PIP5K1C: variants seen among roughly 807,000 people sequenced by gnomAD.
PIP5K1C encodes the protein phosphatidylinositol 4-phosphate 5-kinase type-1 gamma.
Under a neutral mutation model 80.1 loss-of-function variants are expected in PIP5K1C, and 45 were observed. The ratio of observed to expected loss-of-function variants is 0.56; its 90% CI spans 0.44 to 0.72. The LOEUF (loss-of-function observed/expected upper bound fraction) is 0.72, where lower values mean the gene tolerates loss of function less well. Ranked by LOEUF, PIP5K1C falls within the 30% of genes least tolerant of loss-of-function variation. The pLI, the probability that PIP5K1C is intolerant of heterozygous loss-of-function variation, is 0.00. For synonymous variants in PIP5K1C, 498 were observed against 420.1 expected (o/e 1.19, Z -2.27); for missense variants, 753 against 954.6 (o/e 0.79, Z 2.78).
At chr19:3,693,995 C>A (rs1004730730) in intron 1 of PIP5K1C, among the ~76,000 whole-genome samples, 1 of 151,922 alleles carries the variant, frequency 6.6e-6, no homozygotes, top group Non-Finnish European at 1.5e-5. Context: ...GGCGGATCAC[C>A]AGGTCAGGAG....
chr19:3,638,658 C>T (rs2033810671), intron 16 of PIP5K1C, among the ~76,000 whole-genome samples: 2 of 152,034 alleles, frequency 1.3e-5, no homozygotes, highest in African/African-American at 4.8e-5. Flanking sequence ...GAGCTTCCCA[C>T]CCCATGGGGT....
At chr19:3,640,105 G>T (rs1424408790) in intron 15 of PIP5K1C, among the ~76,000 whole-genome samples, 1 of 152,302 alleles carries the variant, frequency 6.6e-6, no homozygotes, top group South Asian at 2.1e-4. Context: ...CGCTAAAAAA[G>T]CTCTCTTGGA....
chr19:3,665,617 C>T (rs1252911285), intron 2 of PIP5K1C, among the ~76,000 whole-genome samples: 2 of 152,030 alleles, frequency 1.3e-5, no homozygotes, highest in African/African-American at 4.8e-5. Context: ...ACTGTGAGAC[C>T]GCTGGGATGG....
In PIP5K1C at chr19:3,651,763, T is replaced by C. The variant is rs2034459094; in HGVS notation, c.1127+63A>G. 2.7e-6 allele frequency: 4 copies of C among 1,488,696 alleles called. No homozygotes were observed. The African/African-American group carries it at 5.5e-5, about 20-fold the overall frequency. The allele number at this position is 1,488,696 out of a possible 1,614,324, so 92.2% of individuals were successfully genotyped here. On this transcript the variant is annotated intron_variant, in intron 8 of 17. Coordinates refer to ENST00000335312, the MANE Select transcript of PIP5K1C (RefSeq NM_012398.3). ...CCTGTTTTCACACTTGGGACGGGGATGGGGAACTGGAGCCTGTGGGGAAGG... is the reference window on the plus strand; with the variant it reads ...CCTGTTTTCACACTTGGGACGGGGACGGGGAACTGGAGCCTGTGGGGAAGG...
chr19:3,654,818 GAA>G lies in PIP5K1C; in HGVS notation c.622-1231_622-1230del, dbSNP rs879758600. 1.6e-4 allele frequency among the ~76,000 whole-genome samples: 11 copies of G among 70,576 alleles called. No individual in the cohort carries two copies. The South Asian group carries it at 2.8e-3, about 18-fold the overall frequency. The allele number at this position is 70,576 out of a possible 152,430, so 46.3% of individuals were successfully genotyped here. A position where few individuals can be genotyped will look rare whatever the true frequency, so the allele number is the denominator to read the frequency against. ...AACAGAGCCAGACTCCATCTCAAAAGAAAAAAAAAAAAAAAGGCCAAGCACAG... is the reference window on the plus strand; with the variant it reads ...AACAGAGCCAGACTCCATCTCAAAAGAAAAAAAAAAAAAGGCCAAGCACAG... On this transcript the variant is annotated intron_variant, in intron 6 of 17. Transcript: ENST00000335312.
At chr19:3,659,303 T>C (rs1331713537) in intron 5 of PIP5K1C, among the ~76,000 whole-genome samples, 1 of 152,168 alleles carries the variant, frequency 6.6e-6, no homozygotes, top group Non-Finnish European at 1.5e-5. Context: ...CCAAGAGAAT[T>C]CTCACACTCC....
chr19:3,687,966 T>G (rs1476576732), intron 1 of PIP5K1C, among the ~76,000 whole-genome samples: 1 of 152,118 alleles, frequency 6.6e-6, no homozygotes, highest in African/African-American at 2.4e-5. Flanking sequence ...GAGGCTCCAC[T>G]CTCAGCACCA....
chr19:3,636,499 T>G, intron 16 of PIP5K1C: 4 of 985,550 alleles, frequency 4.1e-6, no homozygotes, highest in Non-Finnish European at 4.8e-6. Context: ...AGGCGGCCTC[T>G]GCGAACTGCT....
chr19:3,653,341 C>T lies in PIP5K1C; in HGVS notation c.870G>A (p.Leu290=), dbSNP rs754033818. Residue 290 remains leucine, a synonymous_variant, in exon 7 of 18, where the codon CTG becomes CTA. Transcript: ENST00000335312. ...CCAGGGCGCTGAAGGTGTCGGCGTC[C>T]AGCAGGAGCCCCTCGGGCATGTCCT... ...FMQDMPEGLL[L]DADTFSALVK... is the part of the protein sequence containing the mutation. The T allele has an allele frequency of 7.4e-6, 12 of 1,611,702 alleles. No individual in the cohort carries two copies. The Middle Eastern group carries it at 4.9e-4, about 66-fold the overall frequency.
rs2035979567 is a variant in PIP5K1C, at chr19:3,692,525, G to C, written c.94+7772C>G. 6.6e-6 allele frequency among the ~76,000 whole-genome samples: 1 copy of C among 152,130 alleles called. No individual in the cohort carries two copies. Among genetic ancestry groups the C allele is most frequent in the African/African-American group, 2.4e-5 (1 of 41,414 alleles). ...CCACACTCAACCTTCAAAAGGTCCT[G>C]CTGGCTCTGCTTCCAAAATCCATCC... On this transcript the variant is annotated intron_variant, in intron 1 of 17. Transcript: ENST00000335312. The surrounding 1 kb of genome is among the most constrained non-coding windows in gnomAD (Gnocchi z 5.2).
chr19:3,688,107 G>A lies in PIP5K1C; in HGVS notation c.94+12190C>T, dbSNP rs1005740158. ...GGGAAGCCCGGCCCGTGCGGGCTGCGGGAGATCCTGATGGGCCCCGAGCTG... is the reference window on the plus strand; with the variant it reads ...GGGAAGCCCGGCCCGTGCGGGCTGCAGGAGATCCTGATGGGCCCCGAGCTG... On this transcript the variant is annotated intron_variant, in intron 1 of 17. Transcript: ENST00000335312. The surrounding 1 kb of genome is among the most constrained non-coding windows in gnomAD (Gnocchi z 5.3). 1.3e-5 allele frequency among the ~76,000 whole-genome samples: 2 copies of A among 152,264 alleles called. No homozygotes were observed. The highest frequency in any genetic ancestry group is 1.9e-4 in the East Asian group (1 of 5,158).
Position 3,642,902 on chromosome 19 carries a change from C to G in PIP5K1C, c.1682+5G>C. On this transcript the variant is annotated splice_donor_5th_base_variant and intron_variant, in intron 14 of 17. Coordinates refer to ENST00000335312, the MANE Select transcript of PIP5K1C (RefSeq NM_012398.3). ...ACCCAGGGAAGGAAGGGGGTTGGGTCTCACCTGCCATCCTGTCCAGACGAC... is the reference window on the plus strand; with the variant it reads ...ACCCAGGGAAGGAAGGGGGTTGGGTGTCACCTGCCATCCTGTCCAGACGAC... 13 of 1,612,808 alleles carry G rather than the reference C, an allele frequency of 8.1e-6. No homozygotes were observed. The highest frequency in any genetic ancestry group is 1.1e-5 in the Non-Finnish European group (13 of 1,179,362).
At chr19:3,639,713 A>G (rs1398249768) in intron 15 of PIP5K1C, among the ~76,000 whole-genome samples, 1 of 152,074 alleles carries the variant, frequency 6.6e-6, no homozygotes, top group Non-Finnish European at 1.5e-5. Context: ...CACAGACGGA[A>G]GCCTCCGAGC....
In PIP5K1C at chr19:3,661,089, G is replaced by C. The variant is rs767612729; in HGVS notation, c.351-6C>G. The C allele has an allele frequency of 3.2e-5, 52 of 1,607,466 alleles. No homozygotes were observed. Among genetic ancestry groups the C allele is most frequent in the Non-Finnish European group, 4.3e-5 (51 of 1,174,360 alleles). On this transcript the variant is annotated splice_region_variant and splice_polypyrimidine_tract_variant and intron_variant, in intron 4 of 17. Transcript: ENST00000335312. ...GGGTGAGGTTGCTGCCTTCGCTGTGGAGGAAGGACGGGAGGAAACCTGTGA... is the reference window on the plus strand; with the variant it reads ...GGGTGAGGTTGCTGCCTTCGCTGTGCAGGAAGGACGGGAGGAAACCTGTGA...
chr19:3,659,824 G>A (rs912914578), intron 5 of PIP5K1C, among the ~76,000 whole-genome samples: 1 of 152,158 alleles, frequency 6.6e-6, no homozygotes, highest in Non-Finnish European at 1.5e-5. Context: ...TAAACCAAAC[G>A]CACGCACAGT....
intron 16 of PIP5K1C, among the ~76,000 whole-genome samples, chr19:3,633,954 G>T (rs1373585761): frequency 6.6e-6 from 1 of 152,174 alleles, no homozygotes; most frequent in Non-Finnish European, 1.5e-5. Context: ...GGGGTCCTGG[G>T]AGGTCGGGGT....
intron 1 of PIP5K1C, among the ~76,000 whole-genome samples, chr19:3,681,184 G>A (rs1433319766): frequency 2.0e-5 from 3 of 151,630 alleles, no homozygotes; most frequent in Non-Finnish European, 2.9e-5. Flanking sequence ...CTCCGGGTGT[G>A]TACAATGTTT....
At chr19:3,633,280 C>G (rs1186829450) in intron 17 of PIP5K1C, 111 bp from the exon 18 acceptor site, 1 of 675,018 alleles carries the variant, frequency 1.5e-6, no homozygotes, top group African/African-American at 1.8e-5. Context: ...ACTTAGCCCA[C>G]GGCCACCTCA....
intron 16 of PIP5K1C, 142 bp downstream of exon 16, chr19:3,638,742 G>A: frequency 9.3e-7 from 1 of 1,076,746 alleles, no homozygotes; most frequent in Non-Finnish European, 1.4e-6. Flanking sequence ...GTGCTGGCTG[G>A]TGAGAGAGCA....
Sources: allele counts gnomAD v4.1 joint callset (sites outside exome capture counted in the v4.1 genomes callset), GRCh38; gene constraint gnomAD v4.1.1; non-coding constraint Gnocchi (gnomAD v3.1); transcripts MANE v1.5; gene names NCBI Gene and HGNC (gene_info 2026-07-23, HGNC 2026-07-21).